VPS13B: variants seen among roughly 807,000 people sequenced by gnomAD.
VPS13B encodes the protein intermembrane lipid transfer protein VPS13B.
A neutral mutation model predicts 426.4 loss-of-function variants in VPS13B; 285 were observed. That is an observed-to-expected ratio of 0.67 (90% CI 0.61 to 0.74). The LOEUF (loss-of-function observed/expected upper bound fraction) is 0.74, where lower values mean the gene tolerates loss of function less well. Ranked by LOEUF, VPS13B falls within the 30% of genes least tolerant of loss-of-function variation. The pLI, the probability that VPS13B is intolerant of heterozygous loss-of-function variation, is 0.00. For synonymous variants in VPS13B, 1,676 were observed against 1,676.4 expected, an observed-to-expected ratio of 1.00 and a Z score of 0.01; for missense variants, 4,537 against 4,782.6, an observed-to-expected ratio of 0.95 and a Z score of 1.51.
intron 39 of VPS13B, among the ~76,000 whole-genome samples, chr8:99,766,125 G>T (rs1811212836): frequency 7.3e-6 from 1 of 136,250 alleles, no homozygotes; most frequent in African/African-American, 2.9e-5. Context: ...GCCCAGGCTG[G>T]AGTGCAGTCA....
At chr8:99,842,889 A>G (rs533945562) in intron 54 of VPS13B, among the ~76,000 whole-genome samples, 2 of 152,210 alleles carry the variant, frequency 1.3e-5, no homozygotes, top group South Asian at 4.1e-4. Flanking sequence ...ACAGAGACTT[A>G]TGCCTGTAAT....
intron 39 of VPS13B, 86 bp downstream of exon 39, chr8:99,721,133 C>A (rs1327791173): frequency 1.5e-6 from 2 of 1,347,780 alleles, no homozygotes; most frequent in African/African-American, 1.4e-5. Context: ...AACATACTTA[C>A]TTCTTACATT....
intron 3 of VPS13B, among the ~76,000 whole-genome samples, chr8:99,081,832 G>A (rs2132372437): frequency 6.6e-6 from 1 of 151,998 alleles, no homozygotes; most frequent in Non-Finnish European, 1.5e-5. Flanking sequence ...TCGTGTATAT[G>A]TGCCACATTT....
chr8:99,200,534 G>T (rs1814248822), intron 17 of VPS13B, among the ~76,000 whole-genome samples: 1 of 151,974 alleles, frequency 6.6e-6, no homozygotes, highest in African/African-American at 2.4e-5. Flanking sequence ...AATGTGTGAT[G>T]GTTCTAATCT....
intron 43 of VPS13B, among the ~76,000 whole-genome samples, chr8:99,800,063 T>C (rs895068977): frequency 6.6e-6 from 1 of 152,174 alleles, no homozygotes; most frequent in African/African-American, 2.4e-5. Context: ...TGACTATCAT[T>C]CTGTTAAGAG....
At chr8:99,302,366 C>T (rs1455058140) in intron 19 of VPS13B, among the ~76,000 whole-genome samples, 1 of 152,174 alleles carries the variant, frequency 6.6e-6, no homozygotes, top group Non-Finnish European at 1.5e-5. Flanking sequence ...ATATGCCTAA[C>T]CTACTGAACA....
At chr8:99,287,421 GTTGA>G in intron 19 of VPS13B, among the ~76,000 whole-genome samples, 1 of 151,996 alleles carries the variant, frequency 6.6e-6, no homozygotes, top group South Asian at 2.1e-4. Flanking sequence ...GTAACATTCT[GTTGA>G]TTATGATATT....
intron 24 of VPS13B, among the ~76,000 whole-genome samples, chr8:99,477,163 A>G (rs186371760): frequency 1.3e-5 from 2 of 152,158 alleles, no homozygotes; most frequent in East Asian, 1.9e-4. Context: ...TTAATCTTTC[A>G]TGGTCAAAGA....
At chr8:99,639,967 A>G (rs1588576729) in intron 33 of VPS13B, among the ~76,000 whole-genome samples, 2 of 145,844 alleles carry the variant, frequency 1.4e-5, no homozygotes, top group South Asian at 4.3e-4. Flanking sequence ...ACAGAACAAG[A>G]CTCTCTCTTT....
chr8:99,714,633 T>G (rs1051869102), intron 36 of VPS13B, among the ~76,000 whole-genome samples: 3 of 152,114 alleles, frequency 2.0e-5, no homozygotes, highest in African/African-American at 7.2e-5. Flanking sequence ...TAATAAAATA[T>G]TGGTATCACA....
At chr8:99,494,984 AT>A (rs1177236435) in intron 25 of VPS13B, among the ~76,000 whole-genome samples, 1 of 152,118 alleles carries the variant, frequency 6.6e-6, no homozygotes, top group Non-Finnish European at 1.5e-5. Flanking sequence ...TAGATTACAA[AT>A]AAAATGATTC....
At chr8:99,050,043 T>C (rs1843443380) in intron 3 of VPS13B, among the ~76,000 whole-genome samples, 1 of 152,094 alleles carries the variant, frequency 6.6e-6, no homozygotes, top group African/African-American at 2.4e-5. Flanking sequence ...TTTATCTTTT[T>C]TAAATTATAC....
At chr8:99,709,701 A>T (rs1832636055) in intron 36 of VPS13B, among the ~76,000 whole-genome samples, 1 of 152,064 alleles carries the variant, frequency 6.6e-6, no homozygotes, top group African/African-American at 2.4e-5. Flanking sequence ...ATGTAGAAAG[A>T]AGAAGTCATA....
chr8:99,692,573 T>G (rs1294905541), intron 35 of VPS13B, among the ~76,000 whole-genome samples: 1 of 141,376 alleles, frequency 7.1e-6, no homozygotes, highest in Non-Finnish European at 1.5e-5. Context: ...TAGCACTAAA[T>G]GCCCACAAGA....
At chr8:99,363,753 T>C (rs942638861) in intron 19 of VPS13B, among the ~76,000 whole-genome samples, 34 of 152,342 alleles carry the variant, frequency 2.2e-4, no homozygotes, top group Admixed American at 1.9e-3. Flanking sequence ...CTTTCTTGAT[T>C]TCTTTTTCAA....
intron 33 of VPS13B, among the ~76,000 whole-genome samples, chr8:99,637,260 A>G (rs1245533943): frequency 1.3e-5 from 2 of 152,026 alleles, no homozygotes; most frequent in East Asian, 3.9e-4. Flanking sequence ...CAATATAGTA[A>G]ATCTGCAGTG....
intron 25 of VPS13B, among the ~76,000 whole-genome samples, chr8:99,494,403 A>G (rs1267623940): frequency 6.6e-6 from 1 of 151,942 alleles, no homozygotes; most frequent in Non-Finnish European, 1.5e-5. Flanking sequence ...AGTTTTCATT[A>G]TGTCTTTTAC....
chr8:99,133,498 A>T lies in VPS13B; in HGVS notation c.1207-1134A>T, dbSNP rs145252624. 3.5e-3 allele frequency among the ~76,000 whole-genome samples: 526 copies of T among 152,260 alleles called. 3 individuals carry two copies. Among genetic ancestry groups the T allele is most frequent in the Non-Finnish European group, 4.9e-3 (336 of 68,026 alleles). On this transcript the variant is annotated intron_variant, in intron 8 of 61. Coordinates refer to ENST00000357162, the MANE Select transcript of VPS13B (RefSeq NM_152564.5). ...CAAGACTTTTTCTTTTGCATTAATG[A>T]CTGGGCCAACTGTTTGGCTCAAGAT... is the stretch of plus-strand genomic sequence containing the variant.
At chr8:99,728,041 A>G (rs2130385642) in intron 39 of VPS13B, among the ~76,000 whole-genome samples, 1 of 152,336 alleles carries the variant, frequency 6.6e-6, no homozygotes, top group South Asian at 2.1e-4. Context: ...AGTATATCAT[A>G]CACTGGTTGA....
Sources: allele counts gnomAD v4.1 joint callset (sites outside exome capture counted in the v4.1 genomes callset), GRCh38; gene constraint gnomAD v4.1.1; transcripts MANE v1.5; gene names NCBI Gene and HGNC (gene_info 2026-07-23, HGNC 2026-07-21).